ADAMTS3: variants seen among roughly 807,000 people sequenced by gnomAD.
ADAMTS3 encodes ADAM metallopeptidase with thrombospondin type 1 motif 3.
In ADAMTS3, 73 loss-of-function variants were observed where a neutral mutation model predicts 129.0. The observed-to-expected ratio is 0.57, with a 90% CI of 0.47 to 0.69. The LOEUF is 0.69. Among genes scored for constraint, ADAMTS3 ranks in the 30% least tolerant of loss-of-function variants. The probability of loss-of-function intolerance (pLI) is 0.00; values close to 1 mark genes in which losing one functional copy is unlikely to be tolerated. For synonymous variants in ADAMTS3, 477 were observed against 510.8 expected (o/e 0.93, Z 0.89); for missense variants, 1,457 against 1,514.5 (o/e 0.96, Z 0.63).
intron 3 of ADAMTS3, among the ~76,000 whole-genome samples, chr4:72,529,957 A>ATTATAAATATTATATT (rs1491189338): frequency 8.8e-5 from 1 of 11,428 alleles, no homozygotes; most frequent in Non-Finnish European, 1.8e-4. Flanking sequence ...TATAATATAT[A>ATTATAAATATTATATT]ATATATTATA....
chr4:72,549,146 A>C (rs988740655), intron 2 of ADAMTS3, among the ~76,000 whole-genome samples: 2 of 152,222 alleles, frequency 1.3e-5, no homozygotes, highest in Admixed American at 1.3e-4. Flanking sequence ...TCATTAATAC[A>C]TTTGCAAACA....
intron 3 of ADAMTS3, among the ~76,000 whole-genome samples, chr4:72,416,832 G>T (rs905783519): frequency 2.0e-5 from 3 of 151,706 alleles, no homozygotes; most frequent in African/African-American, 7.3e-5. Context: ...ACTGCTATTG[G>T]CCTTCTCAGG....
chr4:72,508,605 CAA>C (rs1300245772), intron 3 of ADAMTS3, among the ~76,000 whole-genome samples: 3 of 152,022 alleles, frequency 2.0e-5, no homozygotes, highest in Non-Finnish European at 4.4e-5. Flanking sequence ...CAATCATAAA[CAA>C]GAGTAATTTC....
At chr4:72,501,185 T>C (rs889860294) in intron 3 of ADAMTS3, among the ~76,000 whole-genome samples, 1 of 152,190 alleles carries the variant, frequency 6.6e-6, no homozygotes, top group Admixed American at 6.5e-5. Flanking sequence ...TCGCAATGTG[T>C]CTGTAAATTG....
intron 3 of ADAMTS3, among the ~76,000 whole-genome samples, chr4:72,457,939 G>T (rs1000316050): frequency 6.6e-6 from 1 of 151,630 alleles, no homozygotes; most frequent in Non-Finnish European, 1.5e-5. Flanking sequence ...ATCTTTGGAG[G>T]GGATGAGGCA....
intron 3 of ADAMTS3, among the ~76,000 whole-genome samples, chr4:72,440,596 G>A (rs1718086699): frequency 6.6e-6 from 1 of 151,794 alleles, no homozygotes; most frequent in Admixed American, 6.6e-5. Flanking sequence ...CTGGCCCAAA[G>A]CAGATATGCA....
At chr4:72,285,166 AG>A (rs1346316336) in intron 21 of ADAMTS3, among the ~76,000 whole-genome samples, 3 of 152,240 alleles carry the variant, frequency 2.0e-5, no homozygotes, top group African/African-American at 7.2e-5. Context: ...CAGCTGGCGA[AG>A]CCAATAGAGG....
intron 3 of ADAMTS3, among the ~76,000 whole-genome samples, chr4:72,520,034 G>A (rs998896368): frequency 3.3e-5 from 5 of 151,698 alleles, no homozygotes; most frequent in African/African-American, 1.2e-4. Flanking sequence ...TGTCCTTTCT[G>A]TTTGTTAGTT....
intron 3 of ADAMTS3, among the ~76,000 whole-genome samples, chr4:72,444,775 T>G (rs1260763021): frequency 6.6e-6 from 1 of 151,768 alleles, no homozygotes; most frequent in African/African-American, 2.4e-5. Flanking sequence ...AATTCATAAT[T>G]GCCAGAAAGT....
rs1718398639 is a variant in ADAMTS3, at chr4:72,283,182, A to T, written c.3572T>A (p.Ile1191Asn). ...TCTTGTCGGACGTCTGTTGTCAATG[A>T]TCTTTCCATCTTTCTTTGAGGTTCT... ...QARTSKKDGK[I>N]IDNRRPTRSS... The change falls in exon 22 of 22, where the codon ATC becomes AAC. Residue 1191 changes from isoleucine to asparagine, a missense_variant. Ile to Asn is a moderately radical substitution (Grantham distance 149). Coordinates refer to ENST00000286657, the MANE Select transcript of ADAMTS3 (RefSeq NM_014243.3). The T allele has an allele frequency of 2.5e-6, 4 of 1,613,428 alleles. No individual in the cohort carries two copies. In the African/African-American group the frequency reaches 4.0e-5, roughly 16 times the overall value.
intron 3 of ADAMTS3, among the ~76,000 whole-genome samples, chr4:72,476,919 A>C (rs1283192083): frequency 6.6e-6 from 1 of 152,178 alleles, no homozygotes; most frequent in South Asian, 2.1e-4. Context: ...ATCACATATC[A>C]AATGATGCAG....
At chr4:72,388,897 C>T (rs766240979) in intron 4 of ADAMTS3, among the ~76,000 whole-genome samples, 18 of 152,198 alleles carry the variant, frequency 1.2e-4, no homozygotes, top group Non-Finnish European at 2.4e-4. Context: ...TGGTGTCACA[C>T]AGAACACACC....
chr4:72,391,530 G>T (rs1220697903), intron 4 of ADAMTS3, among the ~76,000 whole-genome samples: 1 of 152,154 alleles, frequency 6.6e-6, no homozygotes, highest in Non-Finnish European at 1.5e-5. Context: ...TGGATGGGAG[G>T]TCAGGGGAGT....
At chr4:72,391,642 T>C (rs1721598775) in intron 4 of ADAMTS3, among the ~76,000 whole-genome samples, 1 of 152,180 alleles carries the variant, frequency 6.6e-6, no homozygotes, top group South Asian at 2.1e-4. Context: ...AATATTCAAC[T>C]GTTTTAGACC....
chr4:72,550,093 A>G lies in ADAMTS3; in HGVS notation c.98-1209T>C, dbSNP rs1449650794. Among the ~76,000 whole-genome samples, 17 of 129,316 alleles carry G rather than the reference A, an allele frequency of 1.3e-4. 1 individual carries two copies. The highest frequency in any genetic ancestry group is 3.2e-4 in the Admixed American group (4 of 12,618). 84.8% of individuals were successfully genotyped at this position (129,316 alleles called of 152,430 possible). A position where few individuals can be genotyped will look rare whatever the true frequency, so the allele number is the denominator to read the frequency against. On this transcript the variant is annotated intron_variant, in intron 2 of 21. Transcript: ENST00000286657. ...AGGAAGAGGAAGAGGAAGAAGAAGAAGAAGAAGAAGAAGAAGAAGAAGAAG... is the reference window on the plus strand; with the variant it reads ...AGGAAGAGGAAGAGGAAGAAGAAGAGGAAGAAGAAGAAGAAGAAGAAGAAG...
At chr4:72,305,684 T>C (rs1719065870) in intron 16 of ADAMTS3, among the ~76,000 whole-genome samples, 1 of 152,018 alleles carries the variant, frequency 6.6e-6, no homozygotes, top group Non-Finnish European at 1.5e-5. Context: ...CTACATAACA[T>C]TCAATTAATG....
chr4:72,555,262 C>T (rs1320839777), intron 2 of ADAMTS3, among the ~76,000 whole-genome samples: 1 of 151,486 alleles, frequency 6.6e-6, no homozygotes, highest in Admixed American at 6.5e-5. Context: ...CTGCACTCTG[C>T]CCCTTATTTC....
intron 3 of ADAMTS3, among the ~76,000 whole-genome samples, chr4:72,456,716 G>T (rs1718630668): frequency 6.6e-6 from 1 of 151,352 alleles, no homozygotes; most frequent in Non-Finnish European, 1.5e-5. Flanking sequence ...AACATTTGGG[G>T]AGAAACTGGG....
intron 4 of ADAMTS3, among the ~76,000 whole-genome samples, chr4:72,398,982 A>C (rs997933974): frequency 2.6e-5 from 4 of 152,208 alleles, no homozygotes; most frequent in African/African-American, 9.7e-5. Context: ...ATTGCAGAGA[A>C]TCTTTGACAG....
Sources: allele counts gnomAD v4.1 joint callset (sites outside exome capture counted in the v4.1 genomes callset), GRCh38; gene constraint gnomAD v4.1.1; transcripts MANE v1.5; gene names NCBI Gene and HGNC (gene_info 2026-07-23, HGNC 2026-07-21).